The following SEL1L2 variants were observed in gnomAD, a reference collection of about 807,000 sequenced individuals.
The protein encoded by SEL1L2 is protein sel-1 homolog 2.
A neutral mutation model predicts 98.8 loss-of-function variants in SEL1L2; 89 were observed. The observed-to-expected ratio is 0.90, with a 90% CI of 0.76 to 1.07. The LOEUF (loss-of-function observed/expected upper bound fraction) is 1.07, where lower values mean the gene tolerates loss of function less well. Among genes scored for constraint, SEL1L2 ranks in the 50% least tolerant of loss-of-function variants. The pLI, the probability that SEL1L2 is intolerant of heterozygous loss-of-function variation, is 0.00. For missense variants in SEL1L2, 788 were observed against 812.0 expected (o/e 0.97, Z 0.36); for synonymous variants, 262 against 278.5 (o/e 0.94, Z 0.59).
chr20:13,904,916 T>C (rs1691709461), intron 5 of SEL1L2, among the ~76,000 whole-genome samples: 1 of 152,202 alleles, frequency 6.6e-6, no homozygotes, highest in Non-Finnish European at 1.5e-5. Flanking sequence ...TCACCAACAG[T>C]GGATCCTTTT....
chr20:13,963,438 C>G (rs2050877553), intron 1 of SEL1L2, among the ~76,000 whole-genome samples: 1 of 143,320 alleles, frequency 7.0e-6, no homozygotes, highest in Admixed American at 7.2e-5. Flanking sequence ...AACAATAGGC[C>G]AGGTGCGGTG....
chr20:13,926,485 C>CT (rs1314550522), intron 3 of SEL1L2, among the ~76,000 whole-genome samples: 6 of 152,134 alleles, frequency 3.9e-5, no homozygotes, highest in African/African-American at 1.4e-4. Context: ...CTAAAATGGC[C>CT]TGTTAGAGTT....
intron 3 of SEL1L2, among the ~76,000 whole-genome samples, chr20:13,919,828 AG>A (rs764779356): frequency 1.1e-4 from 17 of 151,608 alleles, no homozygotes; most frequent in Non-Finnish European, 2.4e-4. Context: ...CAGGAGGCTG[AG>A]GCAGAGAATT....
chr20:13,929,864 C>T (rs7267260), intron 3 of SEL1L2, among the ~76,000 whole-genome samples: 32,831 of 151,868 alleles, frequency 0.22, 4,043 homozygotes, highest in African/African-American at 0.34. Context: ...AATCTCAGCT[C>T]ACTGCAGCCT....
At chr20:13,876,602 C>T (rs925698981) in intron 11 of SEL1L2, among the ~76,000 whole-genome samples, 1 of 152,128 alleles carries the variant, frequency 6.6e-6, no homozygotes, top group Non-Finnish European at 1.5e-5. Flanking sequence ...TCTGCAGCCA[C>T]AGGAGGCCTC....
intron 5 of SEL1L2, among the ~76,000 whole-genome samples, chr20:13,889,667 T>C (rs2148010950): frequency 6.6e-6 from 1 of 152,128 alleles, no homozygotes; most frequent in Middle Eastern, 3.4e-3. Context: ...AGCGGGGGCC[T>C]GTAGTCCCAG....
At chr20:13,872,423 G>A (rs147967001) in intron 12 of SEL1L2, among the ~76,000 whole-genome samples, 3,019 of 152,206 alleles carry the variant, frequency 0.02, 49 homozygotes, top group Non-Finnish European at 0.03. Flanking sequence ...TCTTTTGCTC[G>A]GCACTTCTCC....
At chr20:13,971,233 G>A (rs1311688040) in intron 1 of SEL1L2, among the ~76,000 whole-genome samples, 6 of 152,046 alleles carry the variant, frequency 3.9e-5, no homozygotes, top group African/African-American at 1.2e-4. Flanking sequence ...CCTTTTAACT[G>A]TTTATTGTAT....
intron 5 of SEL1L2, among the ~76,000 whole-genome samples, chr20:13,903,214 T>C (rs778154310): frequency 1.2e-4 from 19 of 152,312 alleles, no homozygotes; most frequent in Non-Finnish European, 2.5e-4. Context: ...ACCATTGTTA[T>C]GACTCTAGAT....
intron 1 of SEL1L2, among the ~76,000 whole-genome samples, chr20:13,966,836 C>T (rs2051065507): frequency 1.4e-5 from 2 of 147,638 alleles, no homozygotes; most frequent in East Asian, 2.0e-4. Context: ...ACTTTAATAA[C>T]AAATGTAAGT....
At chr20:13,925,538 T>C (rs1195533188) in intron 3 of SEL1L2, among the ~76,000 whole-genome samples, 1 of 152,242 alleles carries the variant, frequency 6.6e-6, no homozygotes, top group Non-Finnish European at 1.5e-5. Flanking sequence ...TCTTCTCTTT[T>C]GCTGTCTGAA....
chr20:13,866,638 C>G (rs1014362144), intron 15 of SEL1L2, 64 bp downstream of exon 15: 4 of 1,270,022 alleles, frequency 3.1e-6, no homozygotes, highest in Non-Finnish European at 3.1e-6. Flanking sequence ...AATTTAAGAA[C>G]AGTATCACCT....
chr20:13,964,856 G>A (rs1433330954), intron 1 of SEL1L2, among the ~76,000 whole-genome samples: 1 of 151,896 alleles, frequency 6.6e-6, no homozygotes, highest in Non-Finnish European at 1.5e-5. Flanking sequence ...CTCATTCAAT[G>A]ACATCTTCCC....
chr20:13,882,843 G>T (rs1404920514), intron 10 of SEL1L2, among the ~76,000 whole-genome samples: 16 of 130,454 alleles, frequency 1.2e-4, no homozygotes, highest in African/African-American at 3.4e-4. Flanking sequence ...TTGAGACGGA[G>T]TCTCGCTCTG....
intron 12 of SEL1L2, among the ~76,000 whole-genome samples, chr20:13,872,614 GA>G (rs1320066660): frequency 6.6e-6 from 1 of 152,128 alleles, no homozygotes; most frequent in Non-Finnish European, 1.5e-5. Context: ...AGAAGGGAAG[GA>G]AACAGATATG....
At chr20:13,986,042 T>G (rs1455321424) in intron 1 of SEL1L2, among the ~76,000 whole-genome samples, 1 of 152,262 alleles carries the variant, frequency 6.6e-6, no homozygotes, top group East Asian at 1.9e-4. Context: ...CATCAGTTGC[T>G]GGACATTTGG....
At chr20:13,856,900 C>A (rs1409879579) in intron 18 of SEL1L2, among the ~76,000 whole-genome samples, 2 of 152,164 alleles carry the variant, frequency 1.3e-5, no homozygotes, top group Non-Finnish European at 2.9e-5. Flanking sequence ...CAAAGTGCCT[C>A]ATTGAAGAAA....
rs369448941 is a variant in SEL1L2 at position 13,887,846 on chromosome 20, T to C, written c.668A>G (p.Tyr223Cys). 3 of 1,612,922 alleles carry C rather than the reference T, an allele frequency of 1.9e-6. No individual in the cohort carries two copies. In the African/African-American group the frequency reaches 4.0e-5, roughly 22 times the overall value. ...GNMMSQMILG[Y>C]RYLSGINVLQ... ...AACATTGATTCCCGACAAATATCTGTACCCCTAAAACACAGACAGATGCAT... is the reference window on the plus strand; with the variant it reads ...AACATTGATTCCCGACAAATATCTGCACCCCTAAAACACAGACAGATGCAT... Residue 223 changes from tyrosine (Y) to cysteine (C), a missense_variant, in exon 8 of 20, where the codon TAC becomes TGC. Transcript: ENST00000284951.
intron 5 of SEL1L2, among the ~76,000 whole-genome samples, chr20:13,902,544 G>A (rs921938604): frequency 2.6e-5 from 4 of 152,132 alleles, no homozygotes; most frequent in Admixed American, 2.0e-4. Context: ...AGCTTTAGCC[G>A]GTGGGAGCCT....
Sources: allele counts gnomAD v4.1 joint callset (sites outside exome capture counted in the v4.1 genomes callset), GRCh38; gene constraint gnomAD v4.1.1; transcripts MANE v1.5; gene names NCBI Gene and HGNC (gene_info 2026-07-23, HGNC 2026-07-21).